The following DLG5 variants were observed in gnomAD, a reference collection of about 807,000 sequenced individuals.
DLG5 encodes discs large MAGUK scaffold protein 5.
DLG5 carries 48 observed loss-of-function variants against 189.8 expected under a neutral mutation model. The ratio of observed to expected loss-of-function variants is 0.25; its 90% CI spans 0.20 to 0.32. DLG5 has a LOEUF of 0.32. DLG5 is among the 10% of genes least tolerant of loss of function. DLG5 has a pLI of 1.00. For synonymous variants in DLG5, 1,016 were observed against 1,054.1 expected (o/e 0.96, Z 0.70); for missense variants, 2,160 against 2,544.7 (o/e 0.85, Z 3.25).
At chr10:77,806,718 A>AGGCGCCCCC in intron 26 of DLG5, 40 bp downstream of exon 26, 1 of 1,333,654 alleles carries the variant, frequency 7.5e-7, no homozygotes, top group Non-Finnish European at 1.1e-6. Context: ...GCCCTCGGCG[A>AGGCGCCCCC]CCCCTGCCCC....
intron 1 of DLG5, among the ~76,000 whole-genome samples, chr10:77,876,373 C>CTTT (rs60644218): frequency 3.0e-5 from 4 of 134,918 alleles, no homozygotes; most frequent in African/African-American, 8.2e-5. Flanking sequence ...CCCCATCTCT[C>CTTT]TTTTTTTTTT....
rs1280615176 is a variant in DLG5 at position 77,809,702 on chromosome 10, G to C, written c.4492C>G (p.Leu1498Val). The part of the protein sequence containing the change: ...RIAGDANKKT[L>V]EPRVVFIKKS... ...TTGATGAAGACAACGCGTGGCTCCA[G>C]GGTCTTCTTGTTGGCATCTCCCGCA... is the stretch of plus-strand genomic sequence containing the variant. Residue 1498 changes from leucine to valine, a missense_variant, in exon 24 of 32, where the codon CTG (leucine) becomes GTG (valine). By Grantham distance (32) the Leu-to-Val change is conservative. This residue lies in a region of DLG5 where 574 missense variants were observed against 644.2 expected (regional missense o/e 0.89). Coordinates refer to ENST00000372391, the MANE Select transcript of DLG5 (RefSeq NM_004747.4). The C allele has an allele frequency of 6.2e-7, 1 of 1,613,488 alleles. No homozygotes were observed. Among genetic ancestry groups the C allele is most frequent in the Non-Finnish European group, 8.5e-7 (1 of 1,179,816 alleles).
At chr10:77,939,992 T>C in the DLG5 span, among the ~76,000 whole-genome samples, 169 of 152,312 alleles carry the variant, frequency 1.1e-3, no homozygotes, top group African/African-American at 3.9e-3. Flanking sequence ...TGACCCACCA[T>C]TGGCAACCAA....
rs939724374 is a variant in DLG5 at position 77,926,386 on chromosome 10, G to C, written c.135C>G (p.Asp45Glu). 5 of 1,593,798 alleles carry C rather than the reference G, an allele frequency of 3.1e-6. No homozygotes were observed. The highest frequency in any genetic ancestry group is 1.8e-4 in the Middle Eastern group (1 of 5,678). ...ALSPGERRQLDEEAGGAKAEL... is the reference protein window; with the variant it reads ...ALSPGERRQLEEEAGGAKAEL... The stretch of plus-strand genomic sequence containing the variant: ...CCGCCTTGGCGCCTCCCGCCTCCTC[G>C]TCCAGCTGCCGCCGCTCGCCGGGAC... The change falls in exon 1 of 32, where the codon GAC becomes GAG. Residue 45 changes from aspartate (D) to glutamate (E), a missense_variant. Transcript: ENST00000372391. The surrounding 1 kb of genome is among the most constrained non-coding windows in gnomAD (Gnocchi z 5.2).
intron 1 of DLG5, among the ~76,000 whole-genome samples, chr10:77,918,031 AAAAAAC>A (rs2131857554): frequency 6.9e-6 from 1 of 144,048 alleles, no homozygotes; most frequent in African/African-American, 2.5e-5. Flanking sequence ...AAAAAAAAAC[AAAAAAC>A]AAAAAACTTA....
intron 1 of DLG5, among the ~76,000 whole-genome samples, chr10:77,885,011 C>T (rs1845396372): frequency 2.0e-5 from 3 of 152,202 alleles, no homozygotes; most frequent in African/African-American, 7.2e-5. Flanking sequence ...ACCTTTGTCA[C>T]ACCCAGAGCA....
chr10:77,927,786 A>G (rs1273293589), upstream of DLG5: 1 of 152,250 alleles, frequency 6.6e-6, no homozygotes, highest in Non-Finnish European at 1.5e-5. Context: ...CTTCCACGAC[A>G]GCCGTTTGTG....
chr10:77,916,476 A>C (rs1388406058), intron 1 of DLG5, among the ~76,000 whole-genome samples: 1 of 151,918 alleles, frequency 6.6e-6, no homozygotes, highest in Non-Finnish European at 1.5e-5. Flanking sequence ...TATTTTTAGT[A>C]GAGATGGGGT....
intron 16 of DLG5, 187 bp downstream of exon 16, chr10:77,819,708 G>T: frequency 9.0e-7 from 1 of 1,116,158 alleles, no homozygotes; most frequent in Non-Finnish European, 1.3e-6. Flanking sequence ...AAAGCATGTT[G>T]ACAAGCTAAG....
At chr10:77,830,068 T>C (rs764849323) in intron 11 of DLG5, 149 bp downstream of exon 11, 1 of 918,278 alleles carries the variant, frequency 1.1e-6, no homozygotes. Context: ...GGAGCATTAT[T>C]AGCTGCTGAG....
rs11002333 is a variant in DLG5 at position 77,919,543 on chromosome 10, G to A, written c.304+6674C>T. 9.5e-3 allele frequency among the ~76,000 whole-genome samples: 1,334 copies of A among 140,906 alleles called. 14 individuals are homozygous for A. Among genetic ancestry groups the A allele is most frequent in the African/African-American group, 0.033 (1,255 of 38,506 alleles). The allele number at this position is 140,906 out of a possible 152,430, so 92.4% of individuals were successfully genotyped here. ...CCAGGAAGCTAAAAGGCTCTGCCAAGGTCAAGATTTTGCAGTTAGGAACAG... is the reference window on the plus strand; with the variant it reads ...CCAGGAAGCTAAAAGGCTCTGCCAAAGTCAAGATTTTGCAGTTAGGAACAG... On this transcript the variant is annotated intron_variant, in intron 1 of 31. Transcript: ENST00000372391.
chr10:77,817,934 A>G (rs1842144657), intron 17 of DLG5, 45 bp from the exon 18 acceptor site: 1 of 1,486,026 alleles, frequency 6.7e-7, no homozygotes, highest in Admixed American at 2.0e-5. Context: ...AGAACCAGGA[A>G]CAGATGTGGC....
intron 9 of DLG5, 145 bp downstream of exon 9, chr10:77,833,769 G>A (rs921058669): frequency 8.5e-7 from 1 of 1,170,098 alleles, no homozygotes; most frequent in South Asian, 1.4e-5. Flanking sequence ...GAGTAAGGCA[G>A]AGTGAAGTGA....
intron 2 of DLG5, chr10:77,868,430 C>T (rs1844774127): frequency 7.1e-6 from 2 of 280,424 alleles, no homozygotes; most frequent in Admixed American, 9.7e-5. Context: ...GTTCTAGAAT[C>T]TCAGGCATGT....
rs191205792 is a variant in DLG5, at chr10:77,913,803, G to A, written c.304+12414C>T. On this transcript the variant is annotated intron_variant, in intron 1 of 31. Coordinates refer to ENST00000372391, the MANE Select transcript of DLG5 (RefSeq NM_004747.4). ...GGGGTTTTGCCGTGTTGCCCAGGCT[G>A]GTCTCAAACTCCTGGGCTCAAGGAA... 8.5e-5 allele frequency among the ~76,000 whole-genome samples: 13 copies of A among 152,072 alleles called. No individual in the cohort carries two copies. The East Asian group carries it at 2.5e-3, about 29-fold the overall frequency.
chr10:77,845,316 C>T (rs1477278674), intron 5 of DLG5: 2 of 152,210 alleles, frequency 1.3e-5, no homozygotes, highest in African/African-American at 4.8e-5. Context: ...CTGGCCCTTC[C>T]AGCTCCAACA....
chr10:77,918,704 A>T (rs1257759475), intron 1 of DLG5, among the ~76,000 whole-genome samples: 1 of 152,162 alleles, frequency 6.6e-6, no homozygotes, highest in Non-Finnish European at 1.5e-5. Flanking sequence ...AAGGCGAAAA[A>T]AAAATCCAAT....
chr10:77,812,295 C>T lies in DLG5; in HGVS notation c.4108G>A (p.Gly1370Ser), dbSNP rs781112102. Residue 1370 changes from glycine to serine, a missense_variant, in exon 21 of 32, where the codon GGC (glycine) becomes AGC (serine). Around this residue, in one of 5 missense-constraint regions of DLG5, gnomAD observed 61 missense variants for 101.0 expected, o/e 0.60. Coordinates refer to ENST00000372391, the MANE Select transcript of DLG5 (RefSeq NM_004747.4). ...GTCACCTTGGAGACGTAGATGCCGC[C>T]CTTCTCTCCACTCACGATGGAGATG... ...LGISIVSGEK[G>S]GIYVSKVTVG... is the part of the protein sequence containing the mutation. The T allele has an allele frequency of 3.1e-6, 5 of 1,614,096 alleles. No homozygotes were observed. The African/African-American group carries it at 5.3e-5, about 17-fold the overall frequency.
rs926912309 is a variant in DLG5, at chr10:77,796,401, C to T, written c.5308+50G>A. On this transcript the variant is annotated intron_variant, in intron 28 of 31. Coordinates refer to ENST00000372391, the MANE Select transcript of DLG5 (RefSeq NM_004747.4). The surrounding 1 kb of genome is among the most constrained non-coding windows in gnomAD (Gnocchi z 5.2). ...AGCTGGGCAGGCAGGTGGACAGGGA[C>T]ATAGAGACAAAGAGCCCAGTAGGCA... 2.5e-6 allele frequency: 4 copies of T among 1,613,668 alleles called. No homozygotes were observed. The highest frequency in any genetic ancestry group is 4.5e-5 in the East Asian group (2 of 44,868).
Sources: gnomAD v4.1 joint callset for allele counts (sites outside exome capture counted in the v4.1 genomes callset) on GRCh38, gnomAD v4.1.1 for gene constraint, gnomAD v4.1.1 regional missense constraint, Gnocchi (gnomAD v3.1) non-coding constraint, MANE v1.5 for transcripts, NCBI Gene and HGNC (gene_info 2026-07-23, HGNC 2026-07-21) for gene names.